S100A7A: variants seen among roughly 807,000 people sequenced by gnomAD.
S100A7A encodes the protein protein S100-A7A.
Under a neutral mutation model 4.0 loss-of-function variants are expected in S100A7A, and 5 were observed. The observed-to-expected ratio is 1.26, with a 90% CI of 0.66 to 2.66. S100A7A has a LOEUF of 2.66. Ranked by LOEUF, S100A7A falls within the 30% of genes most tolerant of loss-of-function variation. The pLI is 0.01. For synonymous variants in S100A7A, 52 were observed against 46.4 expected (o/e 1.12, Z -0.49); for missense variants, 159 against 125.1 (o/e 1.27, Z -1.29).
rs1292430869 is a variant in S100A7A, at chr1:153,420,361, G to A, written c.*1052G>A. On this transcript the variant is annotated 3_prime_UTR_variant, in exon 3 of 3. Transcript: ENST00000368729. ...TCACCTGGTGTCACTTCCAGGCAAT[G>A]TTCTGTGCAGCCGCTCTTAGTATTC... The A allele has an allele frequency of 6.6e-6, 1 of 152,314 alleles. No individual in the cohort carries two copies. The highest frequency in any genetic ancestry group is 2.4e-5 in the African/African-American group (1 of 41,406). The allele number at this position is 152,314 out of a possible 1,614,324, so 9.4% of individuals were successfully genotyped here.
rs778183619 is a variant in S100A7A, at chr1:153,419,130, T to G, written c.142-15T>G. Reference sequence around the variant, plus strand: ...TGATTGAATTTTTCTATTTTGTATGTTTTTCTCTTCACAGGACAAAAAGGG... The same window carrying G: ...TGATTGAATTTTTCTATTTTGTATGGTTTTCTCTTCACAGGACAAAAAGGG... On this transcript the variant is annotated splice_polypyrimidine_tract_variant and intron_variant, in intron 2 of 2. Transcript: ENST00000368729. 6.2e-7 allele frequency: 1 copy of G among 1,610,694 alleles called. No individual in the cohort carries two copies. The highest frequency in any genetic ancestry group is 8.5e-7 in the Non-Finnish European group (1 of 1,178,332).
In S100A7A at chr1:153,419,350, T is replaced by A; in HGVS notation, c.*41T>A. ...GGGCCTCCAGAGACCCCAGGAACAATAAGTGTCTCCTCCCACCAGACACTT... is the reference window on the plus strand; with the variant it reads ...GGGCCTCCAGAGACCCCAGGAACAAAAAGTGTCTCCTCCCACCAGACACTT... On this transcript the variant is annotated 3_prime_UTR_variant, in exon 3 of 3. Transcript: ENST00000368729. The A allele has an allele frequency of 6.3e-7, 1 of 1,584,640 alleles. No individual in the cohort carries two copies. Among genetic ancestry groups the A allele is most frequent in the Non-Finnish European group, 8.6e-7 (1 of 1,164,642 alleles).
In S100A7A at chr1:153,419,426, C is replaced by A. The variant is rs1662836927; in HGVS notation, c.*117C>A. On this transcript the variant is annotated 3_prime_UTR_variant, in exon 3 of 3. Transcript: ENST00000368729. Reference sequence around the variant, plus strand: ...ACCTACATTGTCAAAACTACCAATTCCAGGTTAACTTTGTTGGAGAATTTC... The same window carrying A: ...ACCTACATTGTCAAAACTACCAATTACAGGTTAACTTTGTTGGAGAATTTC... 1 of 1,187,318 alleles carries A rather than the reference C, an allele frequency of 8.4e-7. No homozygotes were observed. Among genetic ancestry groups the A allele is most frequent in the Non-Finnish European group, 1.2e-6 (1 of 850,714 alleles). 73.5% of individuals were successfully genotyped at this position (1,187,318 alleles called of 1,614,324 possible).
chr1:153,419,283 GCGCC>G lies in S100A7A; in HGVS notation c.282_285del (p.Pro95ValfsTer21), dbSNP rs1662832334. 6.2e-7 allele frequency: 1 copy of G among 1,614,094 alleles called. No homozygotes were observed. Among genetic ancestry groups the G allele is most frequent in the Non-Finnish European group, 8.5e-7 (1 of 1,180,044 alleles). Reference sequence around the variant, plus strand: ...CTACCACAAGCAGAGCCATGGAGCGGCGCCCTGTTCTGGGGGAAGCCAGTGATCC... The same window carrying G: ...CTACCACAAGCAGAGCCATGGAGCGGCTGTTCTGGGGGAAGCCAGTGATCC... On this transcript the variant is annotated frameshift_variant, in exon 3 of 3. Coordinates refer to ENST00000368729, the MANE Select transcript of S100A7A (RefSeq NM_176823.4). LOFTEE classifies it high-confidence loss of function.
At position 153,419,530 on chromosome 1, in the gene S100A7A, T is replaced by A. The variant is rs576405124; in HGVS notation, c.*221T>A. On this transcript the variant is annotated 3_prime_UTR_variant, in exon 3 of 3. Coordinates refer to ENST00000368729, the MANE Select transcript of S100A7A (RefSeq NM_176823.4). ...CCCCTATGGCCTCCAGCAGAGCTGA[T>A]CTGCCTCTCACACAGGTCCTGGTGT... The A allele has an allele frequency of 1.5e-5, 9 of 589,502 alleles. No homozygotes were observed. The highest frequency in any genetic ancestry group is 2.7e-5 in the Non-Finnish European group (9 of 334,744). 36.5% of individuals were successfully genotyped at this position (589,502 alleles called of 1,614,324 possible).
At position 153,419,305 on chromosome 1, in the gene S100A7A, A is replaced by G. The variant is rs116212340; in HGVS notation, c.302A>G (p.Gln101Arg). ...GCGGCGCCCTGTTCTGGGGGAAGCCAGTGATCCAGCCCCACCAAGGGGCCT... is the reference window on the plus strand; with the variant it reads ...GCGGCGCCCTGTTCTGGGGGAAGCCGGTGATCCAGCCCCACCAAGGGGCCT... Reference protein sequence around the residue: ...HGAAPCSGGSQ With the variant: ...HGAAPCSGGSR The change falls in exon 3 of 3, where the codon CAG becomes CGG. Residue 101 changes from glutamine to arginine, a missense_variant. Coordinates refer to ENST00000368729, the MANE Select transcript of S100A7A (RefSeq NM_176823.4). 1.3e-3 allele frequency: 2,176 copies of G among 1,614,048 alleles called. 10 individuals carry two copies. The highest frequency in any genetic ancestry group is 6.8e-3 in the South Asian group (618 of 91,062).
At position 153,418,110 on chromosome 1, in the gene S100A7A, A is replaced by T. The variant is rs555757976; in HGVS notation, c.28A>T (p.Ile10Leu). MSNTQAERS[I>L]IGMIDMFHKY... ...GAGCAACACTCAAGCTGAGAGGTCC[A>T]TAATAGGCATGATCGACATGTTTCA... is the stretch of plus-strand genomic sequence containing the variant. The change falls in exon 2 of 3, where the codon ATA becomes TTA. Residue 10 changes from isoleucine to leucine, a missense_variant. By Grantham distance (5) the Ile-to-Leu change is conservative. Coordinates refer to ENST00000368729, the MANE Select transcript of S100A7A (RefSeq NM_176823.4). 1.9e-6 allele frequency: 3 copies of T among 1,614,226 alleles called. No homozygotes were observed. Among genetic ancestry groups the T allele is most frequent in the Non-Finnish European group, 2.5e-6 (3 of 1,180,034 alleles).
Position 153,422,661 on chromosome 1 carries a change from G to T in S100A7A, c.*3352G>T, listed in dbSNP as rs1232579626. On this transcript the variant is annotated 3_prime_UTR_variant, in exon 3 of 3. Transcript: ENST00000368729. ...AGTGCTGTGAGCTGTCCGTGGTGCT[G>T]AATTCACTGTGACGTCACTCCTGTC... 2 of 222,298 alleles carry T rather than the reference G, an allele frequency of 9.0e-6. No individual in the cohort carries two copies. The highest frequency in any genetic ancestry group is 7.5e-6 in the Non-Finnish European group (1 of 132,542). 13.8% of individuals were successfully genotyped at this position (222,298 alleles called of 1,614,324 possible).
At chr1:153,418,031 C>T (rs184558804) in intron 1 of S100A7A, 35 bp from the exon 2 acceptor site, 27 of 1,608,312 alleles carry the variant, frequency 1.7e-5, no homozygotes, top group African/African-American at 2.7e-5. Context: ...TTAATTCAAA[C>T]TAAGGTAAGA....
At chr1:153,417,838 C>A (rs1467122471) in intron 1 of S100A7A, 4 of 491,792 alleles carry the variant, frequency 8.1e-6, no homozygotes, top group Non-Finnish European at 1.4e-5. Context: ...TGGACTTCTG[C>A]CATCCACCTG....
chr1:153,419,019 C>CA, intron 2 of S100A7A, 126 bp from the exon 3 acceptor site: 5 of 1,009,522 alleles, frequency 5.0e-6, no homozygotes, highest in Non-Finnish European at 7.4e-6. Flanking sequence ...CCTGTGCTCT[C>CA]AGCCCCACGA....
Position 153,419,139 on chromosome 1 carries a change from T to C in S100A7A, c.142-6T>C, listed in dbSNP as rs932074500. ...TTTTCTATTTTGTATGTTTTTCTCT[T>C]CACAGGACAAAAAGGGCATACATTA... On this transcript the variant is annotated splice_region_variant and splice_polypyrimidine_tract_variant and intron_variant, in intron 2 of 2. Transcript: ENST00000368729. The C allele has an allele frequency of 1.2e-6, 2 of 1,612,600 alleles. No homozygotes were observed. The highest frequency in any genetic ancestry group is 2.7e-5 in the African/African-American group (2 of 74,830).
chr1:153,417,948 T>C (rs1662770942), intron 1 of S100A7A, 118 bp from the exon 2 acceptor site: 4 of 1,303,872 alleles, frequency 3.1e-6, no homozygotes, highest in Non-Finnish European at 4.2e-6. Context: ...AAAAATCAAG[T>C]TCCTTCTGCT....
At position 153,418,093 on chromosome 1, in the gene S100A7A, C is replaced by T. The variant is rs148917755; in HGVS notation, c.11C>T (p.Thr4Ile). The change falls in exon 2 of 3, where the codon ACT (threonine) becomes ATT (isoleucine). Residue 4 changes from threonine to isoleucine, a missense_variant. By Grantham distance (89) the Thr-to-Ile change is moderately conservative. Coordinates refer to ENST00000368729, the MANE Select transcript of S100A7A (RefSeq NM_176823.4). ...TTTTTGAAAGCAAAGATGAGCAACA[C>T]TCAAGCTGAGAGGTCCATAATAGGC... Reference protein sequence around the residue: MSNTQAERSIIGMI... With the variant: MSNIQAERSIIGMI... 1 of 1,614,152 alleles carries T rather than the reference C, an allele frequency of 6.2e-7. No individual in the cohort carries two copies. Among genetic ancestry groups the T allele is most frequent in the South Asian group, 1.1e-5 (1 of 91,080 alleles).
chr1:153,418,443 A>T (rs1663764130), intron 2 of S100A7A, among the ~76,000 whole-genome samples: 1 of 152,174 alleles, frequency 6.6e-6, no homozygotes, highest in African/African-American at 2.4e-5. Flanking sequence ...AGGTTATTAG[A>T]TGGTCAGCAA....
intron 2 of S100A7A, 106 bp from the exon 3 acceptor site, chr1:153,419,039 T>G: frequency 8.2e-7 from 1 of 1,220,906 alleles, no homozygotes; most frequent in Non-Finnish European, 1.2e-6. Context: ...ACCATGCCTG[T>G]GCAGATCTAG....
chr1:153,417,850 A>G (rs1225689078), intron 1 of S100A7A: 1 of 521,278 alleles, frequency 1.9e-6, no homozygotes, highest in Non-Finnish European at 3.4e-6. Flanking sequence ...ATCCACCTGC[A>G]TCTCTTCTTG....
At position 153,420,706 on chromosome 1, in the gene S100A7A, ATTAG is replaced by A. The variant is rs1250082978; in HGVS notation, c.*1400_*1403del. On this transcript the variant is annotated 3_prime_UTR_variant, in exon 3 of 3. Coordinates refer to ENST00000368729, the MANE Select transcript of S100A7A (RefSeq NM_176823.4). ...CACCTCTAAATCCCCATGTCTGACC[ATTAG>A]TTTTCTTCTCTTTCCTTCTCTCCCT... 2.0e-5 allele frequency: 3 copies of A among 152,020 alleles called. No individual in the cohort carries two copies. The highest frequency in any genetic ancestry group is 7.3e-5 in the African/African-American group (3 of 41,336). The allele number at this position is 152,020 out of a possible 1,614,324, so 9.4% of individuals were successfully genotyped here.
chr1:153,417,486 G>C (rs968782273), intron 1 of S100A7A, among the ~76,000 whole-genome samples: 5 of 152,304 alleles, frequency 3.3e-5, no homozygotes, highest in East Asian at 1.9e-4. Flanking sequence ...GTCCTCGGGA[G>C]AGGGCTGTGT....
Sources: gnomAD v4.1 joint callset for allele counts (sites outside exome capture counted in the v4.1 genomes callset) on GRCh38, gnomAD v4.1.1 for gene constraint, MANE v1.5 for transcripts, NCBI Gene and HGNC (gene_info 2026-07-23, HGNC 2026-07-21) for gene names.